The following UGT1A10 variants were observed in gnomAD, a reference collection of about 807,000 sequenced individuals.
UGT1A10 encodes UDP glucuronosyltransferase family 1 member A10.
In UGT1A10, 49 loss-of-function variants were observed where a neutral mutation model predicts 45.8. The ratio of observed to expected loss-of-function variants is 1.07; its 90% CI spans 0.85 to 1.36. UGT1A10 has a LOEUF of 1.36. Among genes scored for constraint, UGT1A10 ranks in the 40% most tolerant of loss-of-function variants. The probability of loss-of-function intolerance (pLI) is 0.00; values close to 1 mark genes in which losing one functional copy is unlikely to be tolerated. For missense variants in UGT1A10, 745 were observed against 668.6 expected, an observed-to-expected ratio of 1.11 and a Z score of -1.26; for synonymous variants, 284 against 249.7, an observed-to-expected ratio of 1.14 and a Z score of -1.29.
At chr2:233,686,540 C>T (rs545175135) in intron 1 of UGT1A10, among the ~76,000 whole-genome samples, 71 of 152,184 alleles carry the variant, frequency 4.7e-4, no homozygotes, top group African/African-American at 1.5e-3. Flanking sequence ...CTAACCTTTC[C>T]GTGGCTTTCT....
Position 233,760,901 on chromosome 2 carries a change from C to T in UGT1A10, c.856-6133C>T, listed in dbSNP as rs766170365. The T allele has an allele frequency of 1.9e-6, 3 of 1,614,178 alleles. No homozygotes were observed. The highest frequency in any genetic ancestry group is 2.2e-5 in the East Asian group (1 of 44,884). On this transcript the variant is annotated intron_variant, in intron 1 of 4. Coordinates refer to ENST00000344644, the MANE Select transcript of UGT1A10 (RefSeq NM_019075.4). ...CTCTCCTCTCATTCAGATCACATGA[C>T]CTTCCTGCAGCGGGTGAAGAACATG... is the stretch of plus-strand genomic sequence containing the variant.
intron 1 of UGT1A10, among the ~76,000 whole-genome samples, chr2:233,674,606 C>T (rs1235731242): frequency 6.6e-6 from 1 of 151,866 alleles, no homozygotes; most frequent in East Asian, 1.9e-4. Context: ...AAATATGAAA[C>T]ATCAAACTAT....
intron 1 of UGT1A10, chr2:233,649,092 C>T (rs115820038): frequency 0.011 from 9,041 of 850,750 alleles, 67 homozygotes; most frequent in Non-Finnish European, 0.014. Context: ...AGATTCCTTA[C>T]GGAACTGGGA....
Position 233,757,558 on chromosome 2 carries a change from A to ATATATATATG in UGT1A10, c.856-9473_856-9472insATATATGTAT, listed in dbSNP as rs1553619909. ...GGAATATATATATATATATATATAT[A>ATATATATATG]TATGTATATATGATATAGCTATAGT... On this transcript the variant is annotated intron_variant, in intron 1 of 4. Transcript: ENST00000344644. 2.4e-5 allele frequency among the ~76,000 whole-genome samples: 3 copies of ATATATATATG among 124,458 alleles called. No homozygotes were observed. In the East Asian group the frequency reaches 6.3e-4, roughly 26 times the overall value. 81.6% of individuals were successfully genotyped at this position (124,458 alleles called of 152,430 possible). A position where few individuals can be genotyped will look rare whatever the true frequency, so the allele number is the denominator to read the frequency against.
chr2:233,679,238 A>T (rs2074445894), intron 1 of UGT1A10, among the ~76,000 whole-genome samples: 1 of 152,240 alleles, frequency 6.6e-6, no homozygotes, highest in South Asian at 2.1e-4. Flanking sequence ...TCCAATATCG[A>T]AAGAACTTTA....
chr2:233,678,528 C>T (rs1304036415), intron 1 of UGT1A10, among the ~76,000 whole-genome samples: 2 of 152,066 alleles, frequency 1.3e-5, no homozygotes, highest in African/African-American at 4.8e-5. Flanking sequence ...CTGTTTTTTT[C>T]TCTTTGATGT....
Position 233,760,871 on chromosome 2 carries a change from G to A in UGT1A10, c.856-6163G>A, listed in dbSNP as rs767764203. 84 of 1,614,010 alleles carry A rather than the reference G, an allele frequency of 5.2e-5. No individual in the cohort carries two copies. Among genetic ancestry groups the A allele is most frequent in the Non-Finnish European group, 5.2e-5 (61 of 1,180,040 alleles). On this transcript the variant is annotated intron_variant, in intron 1 of 4. Transcript: ENST00000344644. ...CCCAACCCATTCTCCTACGTGCCCAGGCCTCTCTCCTCTCATTCAGATCAC... is the reference window on the plus strand; with the variant it reads ...CCCAACCCATTCTCCTACGTGCCCAAGCCTCTCTCCTCTCATTCAGATCAC...
intron 1 of UGT1A10, among the ~76,000 whole-genome samples, chr2:233,687,916 TAAATC>T (rs1183373351): frequency 6.6e-6 from 1 of 152,136 alleles, no homozygotes; most frequent in African/African-American, 2.4e-5. Flanking sequence ...TCAAAATAAA[TAAATC>T]AATAAATACA....
intron 1 of UGT1A10, among the ~76,000 whole-genome samples, chr2:233,656,581 C>T (rs760553576): frequency 2.0e-5 from 3 of 152,130 alleles, no homozygotes; most frequent in East Asian, 1.9e-4. Context: ...TCTTGCCTGG[C>T]GTGGTTTGAG....
intron 1 of UGT1A10, among the ~76,000 whole-genome samples, chr2:233,674,437 G>C (rs1346114422): frequency 6.6e-6 from 1 of 152,066 alleles, no homozygotes; most frequent in Non-Finnish European, 1.5e-5. Context: ...CACCACTTAT[G>C]TGTTGCCTGC....
chr2:233,679,683 T>G (rs2074459176), intron 1 of UGT1A10, among the ~76,000 whole-genome samples: 3 of 152,154 alleles, frequency 2.0e-5, no homozygotes, highest in Admixed American at 2.0e-4. Flanking sequence ...TCCTTTTGCT[T>G]GGCAGAGGCT....
intron 2 of UGT1A10, 66 bp from the exon 3 acceptor site, chr2:233,767,783 T>C: frequency 6.2e-7 from 1 of 1,613,658 alleles, no homozygotes. Context: ...CTAGTTAGTA[T>C]AGCAGATTTG....
intron 1 of UGT1A10, among the ~76,000 whole-genome samples, chr2:233,738,606 A>G (rs1397968465): frequency 6.6e-6 from 1 of 152,228 alleles, no homozygotes; most frequent in Non-Finnish European, 1.5e-5. Flanking sequence ...AAGCTTTAGC[A>G]AAGAAACTCG....
At chr2:233,747,994 T>C (rs11888459) in intron 1 of UGT1A10, 570,680 of 1,612,980 alleles carry the variant, frequency 0.35, 103,977 homozygotes, top group African/African-American at 0.43. Context: ...CGAGGGGACT[T>C]TGTGATGGAT....
intron 1 of UGT1A10, chr2:233,760,819 A>C (rs1210599713): frequency 1.2e-6 from 2 of 1,613,450 alleles, no homozygotes. Context: ...ACTGCCATGC[A>C]GCCTGGAATT....
At chr2:233,672,228 G>C in intron 1 of UGT1A10, 3 of 1,614,030 alleles carry the variant, frequency 1.9e-6, no homozygotes, top group Non-Finnish European at 2.5e-6. Flanking sequence ...ATGCTCAATG[G>C]AAAGCACAAG....
chr2:233,701,607 C>T (rs918136941), intron 1 of UGT1A10, among the ~76,000 whole-genome samples: 3 of 152,194 alleles, frequency 2.0e-5, no homozygotes, highest in Non-Finnish European at 4.4e-5. Flanking sequence ...AAGCACTCCT[C>T]AGCAAACGTA....
chr2:233,728,863 G>A (rs1165888230), intron 1 of UGT1A10, among the ~76,000 whole-genome samples: 1 of 152,190 alleles, frequency 6.6e-6, no homozygotes, highest in Middle Eastern at 3.2e-3. Context: ...AGAAACAAGA[G>A]CTTGAACTTG....
chr2:233,750,944 CAG>C (rs1694596562), intron 1 of UGT1A10, among the ~76,000 whole-genome samples: 3 of 152,000 alleles, frequency 2.0e-5, no homozygotes, highest in Middle Eastern at 3.4e-3. Flanking sequence ...AGCCCCCACA[CAG>C]AGTCTCCACT....
Sources: gnomAD v4.1 joint callset for allele counts (sites outside exome capture counted in the v4.1 genomes callset) on GRCh38, gnomAD v4.1.1 for gene constraint, MANE v1.5 for transcripts, NCBI Gene and HGNC (gene_info 2026-07-23, HGNC 2026-07-21) for gene names.